RCSD1: variants seen among roughly 807,000 people sequenced by gnomAD.
The protein encoded by RCSD1 is capZ-interacting protein.
In RCSD1, 26 loss-of-function variants were observed where a neutral mutation model predicts 42.5. The observed-to-expected ratio is 0.61, with a 90% CI of 0.45 to 0.85. RCSD1 has a LOEUF of 0.85. Among genes scored for constraint, RCSD1 ranks in the 40% least tolerant of loss-of-function variants. The probability of loss-of-function intolerance (pLI) is 0.00; values close to 1 mark genes in which losing one functional copy is unlikely to be tolerated. For synonymous variants in RCSD1, 220 were observed against 212.2 expected, an observed-to-expected ratio of 1.04 and a Z score of -0.32; for missense variants, 571 against 528.3, an observed-to-expected ratio of 1.08 and a Z score of -0.79.
At chr1:167,684,261 A>G (rs954199257) in intron 2 of RCSD1, among the ~76,000 whole-genome samples, 7 of 152,170 alleles carry the variant, frequency 4.6e-5, no homozygotes, top group African/African-American at 1.2e-4. Context: ...ATCTGTATCC[A>G]TTTCCATCTT....
chr1:167,651,099 C>G (rs1658291574), intron 1 of RCSD1, among the ~76,000 whole-genome samples: 1 of 152,158 alleles, frequency 6.6e-6, no homozygotes, highest in African/African-American at 2.4e-5. Flanking sequence ...CCAGGTGGGA[C>G]CAAGGGCCAT....
intron 1 of RCSD1, among the ~76,000 whole-genome samples, chr1:167,665,968 CACCCGG>C: frequency 6.6e-6 from 1 of 152,146 alleles, no homozygotes; most frequent in East Asian, 1.9e-4. Flanking sequence ...TGTGCCACCA[CACCCGG>C]CTAATTTTTG....
intron 1 of RCSD1, among the ~76,000 whole-genome samples, chr1:167,633,203 G>A (rs1391103005): frequency 1.3e-5 from 2 of 152,152 alleles, no homozygotes; most frequent in South Asian, 2.1e-4. Context: ...AATAAACAAA[G>A]TATAGATGCC....
intron 1 of RCSD1, among the ~76,000 whole-genome samples, chr1:167,658,587 G>A (rs2102212321): frequency 6.6e-6 from 1 of 152,092 alleles, no homozygotes; most frequent in South Asian, 2.1e-4. Context: ...CACCACGCCT[G>A]GTTAATTTTT....
chr1:167,636,580 G>GT (rs112074484), intron 1 of RCSD1, among the ~76,000 whole-genome samples: 1,509 of 150,682 alleles, frequency 0.01, 14 homozygotes, highest in African/African-American at 0.026. Flanking sequence ...GCTTCTTTTT[G>GT]TTTTTTTTTG....
chr1:167,643,426 C>CTTTACA (rs995017277), intron 1 of RCSD1, among the ~76,000 whole-genome samples: 1 of 152,214 alleles, frequency 6.6e-6, no homozygotes, highest in Admixed American at 6.5e-5. Context: ...AGGAAAAATA[C>CTTTACA]TTTACACTTC....
intron 1 of RCSD1, among the ~76,000 whole-genome samples, chr1:167,679,061 G>A (rs527299521): frequency 1.9e-3 from 282 of 152,342 alleles, no homozygotes; most frequent in Admixed American, 3.7e-3. Flanking sequence ...GGCAAGGACT[G>A]TCTTGTTCAC....
chr1:167,639,563 G>T (rs1440778992), intron 1 of RCSD1, among the ~76,000 whole-genome samples: 1 of 152,072 alleles, frequency 6.6e-6, no homozygotes, highest in Non-Finnish European at 1.5e-5. Flanking sequence ...TGCAATCTCG[G>T]CTCACTGCAA....
At chr1:167,692,057 C>T (rs1659390513) in intron 4 of RCSD1, among the ~76,000 whole-genome samples, 1 of 152,100 alleles carries the variant, frequency 6.6e-6, no homozygotes, top group Non-Finnish European at 1.5e-5. Flanking sequence ...ATTCCTTTTT[C>T]CAGTCATTAA....
chr1:167,650,332 G>C (rs1685333814), intron 1 of RCSD1, among the ~76,000 whole-genome samples: 2 of 152,174 alleles, frequency 1.3e-5, no homozygotes, highest in Admixed American at 1.3e-4. Flanking sequence ...GGGTCAAGCT[G>C]TGAGGCGTTC....
At chr1:167,653,043 T>C (rs1658349182) in intron 1 of RCSD1, among the ~76,000 whole-genome samples, 1 of 152,226 alleles carries the variant, frequency 6.6e-6, no homozygotes, top group Non-Finnish European at 1.5e-5. Flanking sequence ...TTAATCAAAG[T>C]GTAATGCTAA....
At chr1:167,692,806 C>T (rs145241298) in intron 4 of RCSD1, among the ~76,000 whole-genome samples, 5 of 152,282 alleles carry the variant, frequency 3.3e-5, no homozygotes, top group African/African-American at 9.6e-5. Flanking sequence ...CCCTTCTAAA[C>T]GTGTGCAATG....
At chr1:167,668,535 T>A (rs1054483865) in intron 1 of RCSD1, among the ~76,000 whole-genome samples, 8 of 152,182 alleles carry the variant, frequency 5.3e-5, no homozygotes. Flanking sequence ...AAAACCCTTT[T>A]CCTCTTCAGC....
chr1:167,662,054 G>C (rs1442143790), intron 1 of RCSD1, among the ~76,000 whole-genome samples: 3 of 152,166 alleles, frequency 2.0e-5, no homozygotes, highest in Non-Finnish European at 4.4e-5. Flanking sequence ...TAGGGGATTA[G>C]TGAAAAGCCC....
intron 1 of RCSD1, among the ~76,000 whole-genome samples, chr1:167,659,225 T>C (rs1658490908): frequency 1.3e-5 from 2 of 152,228 alleles, no homozygotes. Flanking sequence ...ATGAATTGCC[T>C]ATTTATATCC....
chr1:167,637,654 C>T (rs1446289752), intron 1 of RCSD1, among the ~76,000 whole-genome samples: 2 of 152,032 alleles, frequency 1.3e-5, no homozygotes. Context: ...CGAGGGAATG[C>T]CTTTGTTCAA....
At chr1:167,669,999 GCACACT>G (rs1030685531) in intron 1 of RCSD1, among the ~76,000 whole-genome samples, 17 of 109,002 alleles carry the variant, frequency 1.6e-4, no homozygotes, top group Non-Finnish European at 3.0e-4. Flanking sequence ...ACACGCACAC[GCACACT>G]CACACTGTCA....
intron 6 of RCSD1, among the ~76,000 whole-genome samples, chr1:167,701,807 G>A (rs1174287068): frequency 1.3e-5 from 2 of 152,168 alleles, no homozygotes; most frequent in Non-Finnish European, 2.9e-5. Context: ...TCTTAAACCA[G>A]GTCAAGGTCA....
intron 4 of RCSD1, among the ~76,000 whole-genome samples, chr1:167,693,490 C>T (rs930858141): frequency 6.6e-6 from 1 of 152,202 alleles, no homozygotes; most frequent in Non-Finnish European, 1.5e-5. Context: ...CCACTGCCTT[C>T]GTCCTGGAGC....
Sources: allele counts gnomAD v4.1 joint callset (sites outside exome capture counted in the v4.1 genomes callset), GRCh38; gene constraint gnomAD v4.1.1; transcripts MANE v1.5; gene names NCBI Gene and HGNC (gene_info 2026-07-23, HGNC 2026-07-21).